Variants in DMC1 observed in about 807,000 individuals in gnomAD.
The protein encoded by DMC1 is meiotic recombination protein DMC1 homolog.
Under a neutral mutation model 50.1 loss-of-function variants are expected in DMC1, and 27 were observed. The ratio of observed to expected loss-of-function variants is 0.54; its 90% CI spans 0.40 to 0.74. DMC1 has a LOEUF of 0.74. DMC1 is among the 30% of genes least tolerant of loss of function. The pLI is 0.00. For missense variants in DMC1, 295 were observed against 420.2 expected, an observed-to-expected ratio of 0.70 and a Z score of 2.60; for synonymous variants, 148 against 136.1, an observed-to-expected ratio of 1.09 and a Z score of -0.61.
In DMC1 at chr22:38,552,666, C is replaced by A. The variant is rs1271744709; in HGVS notation, c.421G>T (p.Val141Leu). 4 of 1,585,964 alleles carry A rather than the reference C, an allele frequency of 2.5e-6. No homozygotes were observed. The highest frequency in any genetic ancestry group is 3.5e-6 in the Non-Finnish European group (4 of 1,154,736). The change falls in exon 7 of 14, where the codon GTG becomes TTG. Residue 141 changes from valine to leucine, a missense_variant and splice_region_variant. Physicochemically the swap from Val to Leu is conservative, Grantham distance 32. Coordinates refer to ENST00000216024, the MANE Select transcript of DMC1 (RefSeq NM_007068.4). ...TGTTATTGTTGTTATATATCCTTAC[C>A]ACAGAGGGTATGAGAAAGCTGGGTT... Reference protein sequence around the residue: ...GKTQLSHTLCVTAQLPGAGGY... With the variant: ...GKTQLSHTLCLTAQLPGAGGY...
chr22:38,523,135 G>A (rs2090047718), intron 12 of DMC1, among the ~76,000 whole-genome samples: 1 of 152,184 alleles, frequency 6.6e-6, no homozygotes, highest in African/African-American at 2.4e-5. Context: ...ATAGGAACAA[G>A]GACAAAGAGT....
At position 38,537,619 on chromosome 22, in the gene DMC1, A is replaced by G; in HGVS notation, c.809T>C (p.Met270Thr). 1 of 1,614,164 alleles carries G rather than the reference A, an allele frequency of 6.2e-7. No homozygotes were observed. Among genetic ancestry groups the G allele is most frequent in the Non-Finnish European group, 8.5e-7 (1 of 1,179,994 alleles). The stretch of plus-strand genomic sequence containing the variant: ...CATAGTTGCTCCTGGATCGGCAGTC[A>G]TTTGATTGGTCACAAAAACAGCCAC... ...YNVAVFVTNQ[M>T]TADPGATMTF... is the part of the protein sequence containing the mutation. Residue 270 changes from methionine (M) to threonine (T), a missense_variant, in exon 12 of 14, where the codon ATG becomes ACG. Coordinates refer to ENST00000216024, the MANE Select transcript of DMC1 (RefSeq NM_007068.4).
chr22:38,538,150 CAA>C, intron 11 of DMC1, 143 bp downstream of exon 11: 2 of 623,058 alleles, frequency 3.2e-6, no homozygotes, highest in Admixed American at 2.9e-5. Context: ...TCTCAAAAAA[CAA>C]AAAAAAAACA....
At chr22:38,539,008 C>A (rs1471199054) in intron 9 of DMC1, among the ~76,000 whole-genome samples, 1 of 151,764 alleles carries the variant, frequency 6.6e-6, no homozygotes, top group African/African-American at 2.4e-5. Context: ...TGCACTCCAG[C>A]CTGAGTGACA....
At chr22:38,568,812 C>G (rs1334904586) in intron 1 of DMC1, among the ~76,000 whole-genome samples, 1 of 152,154 alleles carries the variant, frequency 6.6e-6, no homozygotes, top group Non-Finnish European at 1.5e-5. Flanking sequence ...AATGGGTACT[C>G]CTGTAACATC....
rs1807649713 is a variant in DMC1, at chr22:38,519,057, A to T, written c.*963T>A. On this transcript the variant is annotated 3_prime_UTR_variant, in exon 14 of 14. Coordinates refer to ENST00000216024, the MANE Select transcript of DMC1 (RefSeq NM_007068.4). ...ACATTTAAATTAATTTTAACATTTT[A>T]AAAAAGTTTTTTTTTTTTTTTTGAG... 6.6e-6 allele frequency: 1 copy of T among 151,234 alleles called. No individual in the cohort carries two copies. The highest frequency in any genetic ancestry group is 2.1e-4 in the South Asian group (1 of 4,812). 9.4% of individuals were successfully genotyped at this position (151,234 alleles called of 1,614,324 possible).
chr22:38,538,397 T>C lies in DMC1; in HGVS notation c.673A>G (p.Ile225Val), dbSNP rs143874492. 11 of 1,613,360 alleles carry C rather than the reference T, an allele frequency of 6.8e-6. No individual in the cohort carries two copies. The highest frequency in any genetic ancestry group is 2.2e-5 in the South Asian group (2 of 91,060). The stretch of plus-strand genomic sequence containing the variant: ...AAATCCACTCGAAAAAGTGCCATTA[T>C]TGAATCGATAATCTACACAGGATTA... ...GIFKLLIIDS[I>V]MALFRVDFSG... Residue 225 changes from isoleucine (I) to valine (V), a missense_variant, in exon 11 of 14, where the codon ATA (isoleucine) becomes GTA (valine). Ile to Val is a conservative substitution (Grantham distance 29). Coordinates refer to ENST00000216024, the MANE Select transcript of DMC1 (RefSeq NM_007068.4).
chr22:38,537,338 G>C (rs191032835), intron 12 of DMC1, among the ~76,000 whole-genome samples: 1 of 151,624 alleles, frequency 6.6e-6, no homozygotes, highest in African/African-American at 2.4e-5. Flanking sequence ...CTCAGCCTCC[G>C]GAGTAGCTGA....
chr22:38,532,194 G>A (rs2090159886), intron 12 of DMC1, among the ~76,000 whole-genome samples: 1 of 152,032 alleles, frequency 6.6e-6, no homozygotes, highest in Non-Finnish European at 1.5e-5. Flanking sequence ...TTCATGTCCT[G>A]TGTATGAAAG....
intron 2 of DMC1, 95 bp from the exon 3 acceptor site, chr22:38,567,722 C>A (rs767626862): frequency 1.1e-6 from 1 of 917,148 alleles, no homozygotes; most frequent in Non-Finnish European, 1.8e-6. Flanking sequence ...ATGAGTCACT[C>A]CAAAATGCCT....
In DMC1 at chr22:38,520,006, C is replaced by T. The variant is rs766197392; in HGVS notation, c.*14G>A. 1 of 1,611,766 alleles carries T rather than the reference C, an allele frequency of 6.2e-7. No individual in the cohort carries two copies. ...CTAATAAGCACTAAGAAGCAATTTGCATCAATTCACCACCTACTCCTTGGC... is the reference window on the plus strand; with the variant it reads ...CTAATAAGCACTAAGAAGCAATTTGTATCAATTCACCACCTACTCCTTGGC... On this transcript the variant is annotated 3_prime_UTR_variant, in exon 14 of 14. Transcript: ENST00000216024.
At chr22:38,537,937 G>C (rs753148467) in intron 11 of DMC1, among the ~76,000 whole-genome samples, 36 of 152,244 alleles carry the variant, frequency 2.4e-4, no homozygotes, top group South Asian at 2.1e-4. Flanking sequence ...GAGGTCAGGA[G>C]CTCGAGACCA....
At chr22:38,534,085 A>ATT (rs2090184579) in intron 12 of DMC1, among the ~76,000 whole-genome samples, 1 of 152,224 alleles carries the variant, frequency 6.6e-6, no homozygotes, top group South Asian at 2.1e-4. Context: ...AGCTGTTCTG[A>ATT]TTAAAGGAGA....
In DMC1 at chr22:38,538,316, G is replaced by A. The variant is rs1490082820; in HGVS notation, c.754C>T (p.Arg252Ter). The A allele has an allele frequency of 6.2e-7, 1 of 1,613,832 alleles. No homozygotes were observed. The change falls in exon 11 of 14, where the codon CGA becomes TGA. Residue 252 changes from arginine (R) to a stop codon, truncating the protein, a stop_gained. Transcript: ENST00000216024. LOFTEE classifies it high-confidence loss of function. Reference sequence around the variant, plus strand: ...ATACCTTCTGAGATTTTTTGGAGTCGTGACAACATCTGGGCCAATTTTTGC... The same window carrying A: ...ATACCTTCTGAGATTTTTTGGAGTCATGACAACATCTGGGCCAATTTTTGC... ...RQQKLAQMLSRLQKISEEYNV... is the reference protein window; with the variant it reads ...RQQKLAQMLS
rs1176476465 is a variant in DMC1 at position 38,537,620 on chromosome 22, TTTGA to T, written c.804_807del (p.Asn268LysfsTer2). On this transcript the variant is annotated frameshift_variant, in exon 12 of 14. Coordinates refer to ENST00000216024, the MANE Select transcript of DMC1 (RefSeq NM_007068.4). LOFTEE classifies it high-confidence loss of function. ...ATAGTTGCTCCTGGATCGGCAGTCATTTGATTGGTCACAAAAACAGCCACGTTAT... is the reference window on the plus strand; with the variant it reads ...ATAGTTGCTCCTGGATCGGCAGTCATTTGGTCACAAAAACAGCCACGTTAT... 7 of 1,613,970 alleles carry T rather than the reference TTTGA, an allele frequency of 4.3e-6. No homozygotes were observed. The Admixed American group carries it at 5.0e-5, about 12-fold the overall frequency.
At chr22:38,554,866 G>A (rs754070756) in intron 6 of DMC1, among the ~76,000 whole-genome samples, 5 of 152,080 alleles carry the variant, frequency 3.3e-5, no homozygotes, top group Admixed American at 1.3e-4. Flanking sequence ...TTGGAAGGCC[G>A]AGGTCAGGAG....
chr22:38,545,790 T>C (rs1448317687), intron 8 of DMC1: 2 of 152,172 alleles, frequency 1.3e-5, no homozygotes, highest in Admixed American at 6.5e-5. Context: ...AAATATTTAT[T>C]AACCAATTAC....
intron 5 of DMC1, among the ~76,000 whole-genome samples, chr22:38,555,702 C>CT (rs1477515258): frequency 1.3e-5 from 2 of 151,328 alleles, no homozygotes; most frequent in Non-Finnish European, 2.9e-5. Flanking sequence ...ATGCTGTAGG[C>CT]TTAAAAAATA....
At chr22:38,537,112 A>G (rs1319611090) in intron 12 of DMC1, among the ~76,000 whole-genome samples, 4 of 152,192 alleles carry the variant, frequency 2.6e-5, no homozygotes, top group Non-Finnish European at 4.4e-5. Context: ...TAGGCCTCCC[A>G]AAGTGTTGGG....
Sources: allele counts gnomAD v4.1 joint callset (sites outside exome capture counted in the v4.1 genomes callset), GRCh38; gene constraint gnomAD v4.1.1; transcripts MANE v1.5; gene names NCBI Gene and HGNC (gene_info 2026-07-23, HGNC 2026-07-21).